AHRR: variants seen among roughly 807,000 people sequenced by gnomAD.
AHRR encodes ahR repressor.
A neutral mutation model predicts 44.0 loss-of-function variants in AHRR; 28 were observed. The ratio of observed to expected loss-of-function variants is 0.64; its 90% CI spans 0.47 to 0.87. The LOEUF is 0.87. AHRR is among the 40% of genes least tolerant of loss of function. The probability of loss-of-function intolerance (pLI) is 0.00; values close to 1 mark genes in which losing one functional copy is unlikely to be tolerated. For missense variants in AHRR, 990 were observed against 953.9 expected (o/e 1.04, Z -0.50); for synonymous variants, 434 against 407.0 (o/e 1.07, Z -0.80).
At chr5:347,069 C>T (rs902451508) in intron 2 of AHRR, among the ~76,000 whole-genome samples, 3 of 152,216 alleles carry the variant, frequency 2.0e-5, no homozygotes, top group African/African-American at 7.2e-5. Context: ...GTTAGAGTCC[C>T]TCATCAGTTC....
At chr5:422,677 T>C (rs1350465525) in intron 5 of AHRR, 52 bp from the exon 6 acceptor site, 2 of 1,613,350 alleles carry the variant, frequency 1.2e-6, no homozygotes, top group South Asian at 1.1e-5. Flanking sequence ...TGGAATAAAG[T>C]GTCTAAAGCC....
At chr5:423,295 C>T (rs1041434087) in intron 6 of AHRR, among the ~76,000 whole-genome samples, 2 of 152,162 alleles carry the variant, frequency 1.3e-5, no homozygotes, top group African/African-American at 4.8e-5. Context: ...ACAGAAGACC[C>T]CTGCACAGGG....
intron 3 of AHRR, among the ~76,000 whole-genome samples, chr5:368,611 C>G (rs1743455255): frequency 6.6e-6 from 1 of 152,098 alleles, no homozygotes; most frequent in Non-Finnish European, 1.5e-5. Flanking sequence ...TTTTTTTCCC[C>G]AAAGAGCTAT....
rs1579631747 is a variant in AHRR at position 370,111 on chromosome 5, G to A, written c.245-6499G>A. Reference sequence around the variant, plus strand: ...AGCCCCGTCCTCCCGGGCCCTCGCTGGAAGCCCCGTCCTCCCGGGCCCTCG... The same window carrying A: ...AGCCCCGTCCTCCCGGGCCCTCGCTAGAAGCCCCGTCCTCCCGGGCCCTCG... On this transcript the variant is annotated intron_variant, in intron 3 of 10. Transcript: ENST00000684583. This position sits in a 1 kb window ranked among gnomAD's most constrained non-coding sequence, Gnocchi z 4.5. Among the ~76,000 whole-genome samples, 1 of 149,520 alleles carries A rather than the reference G, an allele frequency of 6.7e-6. No homozygotes were observed. The highest frequency in any genetic ancestry group is 3.5e-3 in the Middle Eastern group (1 of 288).
intron 3 of AHRR, among the ~76,000 whole-genome samples, chr5:360,152 T>C (rs980278651): frequency 6.6e-6 from 1 of 152,114 alleles, no homozygotes; most frequent in Non-Finnish European, 1.5e-5. Flanking sequence ...CCTGAACTGA[T>C]AGGACCAGTG....
intron 4 of AHRR, among the ~76,000 whole-genome samples, chr5:378,203 C>T (rs1354417602): frequency 6.6e-6 from 1 of 152,224 alleles, no homozygotes; most frequent in Non-Finnish European, 1.5e-5. Context: ...GCAACAACAG[C>T]AGCAAATCCC....
chr5:376,340 C>T (rs1455879349), intron 3 of AHRR, among the ~76,000 whole-genome samples: 3 of 152,142 alleles, frequency 2.0e-5, no homozygotes, highest in South Asian at 2.1e-4. Flanking sequence ...GGTGTGGGGG[C>T]GTCCTCAGGC....
chr5:430,997 C>T (rs1358213190), intron 8 of AHRR, among the ~76,000 whole-genome samples: 2 of 152,350 alleles, frequency 1.3e-5, no homozygotes, highest in Admixed American at 6.5e-5. Flanking sequence ...CCAGGTCTTC[C>T]GGCACCTACA....
intron 4 of AHRR, among the ~76,000 whole-genome samples, chr5:379,748 T>C (rs571993200): frequency 3.7e-4 from 56 of 152,360 alleles, no homozygotes; most frequent in African/African-American, 1.3e-3. Flanking sequence ...TCCTTTCTCA[T>C]ATGTATGATT....
Position 434,761 on chromosome 5 carries a change from C to T in AHRR, c.2021C>T (p.Pro674Leu). 6.4e-7 allele frequency: 1 copy of T among 1,563,226 alleles called. No individual in the cohort carries two copies. The highest frequency in any genetic ancestry group is 8.7e-7 in the Non-Finnish European group (1 of 1,153,574). Residue 674 changes from proline (P) to leucine (L), a missense_variant, in exon 11 of 11, where the codon CCC (proline) becomes CTC (leucine). Pro to Leu is a moderately conservative substitution (Grantham distance 98, BLOSUM62 -3). Coordinates refer to ENST00000684583, the MANE Select transcript of AHRR (RefSeq NM_001377236.1). ...GCTACTCACAGCCAGGGAATGGTGCCCGGGATGTTGCCCAAAAGTGCCTTG... is the reference window on the plus strand; with the variant it reads ...GCTACTCACAGCCAGGGAATGGTGCTCGGGATGTTGCCCAAAAGTGCCTTG... ...QWATHSQGMVPGMLPKSALAT... is the reference protein window; with the variant it reads ...QWATHSQGMVLGMLPKSALAT...
intron 7 of AHRR, among the ~76,000 whole-genome samples, chr5:426,984 A>ATGGG (rs1215726358): frequency 6.8e-6 from 1 of 146,794 alleles, no homozygotes; most frequent in Non-Finnish European, 1.5e-5. Context: ...GGATGGATGG[A>ATGGG]TGGGTGGATG....
intron 4 of AHRR, among the ~76,000 whole-genome samples, chr5:379,667 A>G (rs1733902819): frequency 6.6e-6 from 1 of 152,244 alleles, no homozygotes; most frequent in Non-Finnish European, 1.5e-5. Context: ...TCTTTTGTGC[A>G]TTAAGAAAAC....
rs776427173 is a variant in AHRR at position 422,845 on chromosome 5, G to A, written c.558G>A (p.Pro186=). 7.4e-6 allele frequency: 12 copies of A among 1,611,814 alleles called. No individual in the cohort carries two copies. The highest frequency in any genetic ancestry group is 1.3e-5 in the African/African-American group (1 of 74,984). Residue 186 remains proline (P), a synonymous_variant, in exon 6 of 11, where the codon CCG becomes CCA. Transcript: ENST00000684583. ...DPPQVVFGQP[P]PLETGDDAIL... is the part of the protein sequence containing the mutation. ...CCCAGGTGGTGTTTGGGCAGCCCCCGCCCTTGGAGACAGGTGGGTGTCTGG... is the reference window on the plus strand; with the variant it reads ...CCCAGGTGGTGTTTGGGCAGCCCCCACCCTTGGAGACAGGTGGGTGTCTGG...
At chr5:324,017 TTCTTTCTCTCTCTCTCTCTGTCTC>T (rs928266850) in intron 1 of AHRR, among the ~76,000 whole-genome samples, 2 of 142,332 alleles carry the variant, frequency 1.4e-5, no homozygotes, top group Non-Finnish European at 3.0e-5. Context: ...CTTTCTTTCT[TTCTTTCTCTCTCTCTCTCTGTCTC>T]TCTTTCTCTC....
At chr5:415,337 TGGGG>T (rs1560915681) in intron 5 of AHRR, among the ~76,000 whole-genome samples, 1,543 of 147,492 alleles carry the variant, frequency 0.01, 10 homozygotes, top group Non-Finnish European at 0.015. Flanking sequence ...ATCTGCCTGG[TGGGG>T]CGGGAGGCCT....
chr5:399,777 T>A (rs1460659141), intron 4 of AHRR, among the ~76,000 whole-genome samples: 1 of 152,222 alleles, frequency 6.6e-6, no homozygotes, highest in African/African-American at 2.4e-5. Flanking sequence ...GGGGCCGCCA[T>A]CTGCCTGCTC....
intron 5 of AHRR, among the ~76,000 whole-genome samples, chr5:422,197 G>C (rs370911700): frequency 1.8e-4 from 28 of 152,266 alleles, no homozygotes; most frequent in African/African-American, 6.7e-4. Flanking sequence ...TGGACCCTGG[G>C]TGCCTGTGAG....
intron 4 of AHRR, among the ~76,000 whole-genome samples, chr5:409,656 GTTTT>G (rs372901568): frequency 3.4e-5 from 5 of 147,744 alleles, no homozygotes; most frequent in Non-Finnish European, 7.5e-5. Context: ...GTTTAAAATT[GTTTT>G]TTTTTTTAAT....
At chr5:331,154 C>T (rs1312979492) in intron 1 of AHRR, among the ~76,000 whole-genome samples, 7 of 152,072 alleles carry the variant, frequency 4.6e-5, no homozygotes, top group Non-Finnish European at 1.0e-4. Context: ...GGATTACAGG[C>T]GTGAGCCACT....
Sources: allele counts gnomAD v4.1 joint callset (sites outside exome capture counted in the v4.1 genomes callset), GRCh38; gene constraint gnomAD v4.1.1; non-coding constraint Gnocchi (gnomAD v3.1); transcripts MANE v1.5; gene names NCBI Gene and HGNC (gene_info 2026-07-23, HGNC 2026-07-21).